Variants in ADAMTSL1 observed in about 807,000 individuals in gnomAD.
The protein encoded by ADAMTSL1 is ADAMTS like 1.
ADAMTSL1 carries 126 observed loss-of-function variants against 201.8 expected under a neutral mutation model. The observed-to-expected ratio is 0.62, with a 90% CI of 0.54 to 0.72. The LOEUF (loss-of-function observed/expected upper bound fraction) is 0.72. Among genes scored for constraint, ADAMTSL1 ranks in the 30% least tolerant of loss-of-function variants. The pLI is 0.00. For synonymous variants in ADAMTSL1, 1,121 were observed against 903.4 expected (o/e 1.24, Z -4.32); for missense variants, 2,679 against 2,277.8 (o/e 1.18, Z -3.59).
intron 26 of ADAMTSL1, among the ~76,000 whole-genome samples, chr9:18,904,994 T>C (rs1347504153): frequency 1.4e-4 from 22 of 152,168 alleles, no homozygotes; most frequent in Admixed American, 1.4e-3. Flanking sequence ...CTTTTGCTTA[T>C]ACTGTTAAGG....
intron 14 of ADAMTSL1, among the ~76,000 whole-genome samples, chr9:18,717,142 A>G (rs200247077): frequency 2.0e-5 from 3 of 150,804 alleles, no homozygotes; most frequent in African/African-American, 4.9e-5. Flanking sequence ...GCCAGATGAC[A>G]AGTTAGTGGG....
chr9:18,283,207 C>A (rs1207535549), intron 2 of ADAMTSL1, among the ~76,000 whole-genome samples: 6 of 152,114 alleles, frequency 3.9e-5, no homozygotes, highest in Admixed American at 6.5e-5. Flanking sequence ...CTCTCTTTCT[C>A]TAGCAATATT....
intron 2 of ADAMTSL1, among the ~76,000 whole-genome samples, chr9:18,446,417 TA>T (rs779864256): frequency 2.0e-5 from 3 of 152,362 alleles, no homozygotes. Flanking sequence ...TTTGTTTCTT[TA>T]AAATGCAAAA....
At chr9:18,299,220 G>C (rs1372567976) in intron 2 of ADAMTSL1, among the ~76,000 whole-genome samples, 1 of 151,914 alleles carries the variant, frequency 6.6e-6, no homozygotes, top group East Asian at 1.9e-4. Context: ...TCAAACCCCA[G>C]ACTTCTAGCA....
intron 9 of ADAMTSL1, among the ~76,000 whole-genome samples, chr9:18,662,934 A>G (rs796977683): frequency 8.9e-4 from 136 of 152,354 alleles, no homozygotes; most frequent in African/African-American, 3.2e-3. Context: ...AAAAGCAATC[A>G]GGAATACCAA....
intron 2 of ADAMTSL1, among the ~76,000 whole-genome samples, chr9:18,385,744 A>T (rs1837765670): frequency 6.6e-6 from 1 of 152,182 alleles, no homozygotes; most frequent in East Asian, 1.9e-4. Flanking sequence ...TAAATCCTTG[A>T]TACATGATGA....
intron 1 of ADAMTSL1, among the ~76,000 whole-genome samples, chr9:18,157,014 C>A (rs575583583): frequency 6.6e-6 from 1 of 152,104 alleles, no homozygotes; most frequent in African/African-American, 2.4e-5. Flanking sequence ...AGGAAGATGT[C>A]TCAAAACCCA....
intron 20 of ADAMTSL1, among the ~76,000 whole-genome samples, chr9:18,812,251 A>C (rs1417435219): frequency 6.7e-6 from 1 of 148,640 alleles, no homozygotes; most frequent in Non-Finnish European, 1.5e-5. Flanking sequence ...GGAACAGAAT[A>C]GAGAACTCAG....
intron 2 of ADAMTSL1, among the ~76,000 whole-genome samples, chr9:18,223,936 C>G (rs6475203): frequency 0.32 from 48,896 of 151,898 alleles, 7,978 homozygotes; most frequent in Admixed American, 0.41. Flanking sequence ...GGGATCATTG[C>G]TAATCTAGGA....
intron 1 of ADAMTSL1, among the ~76,000 whole-genome samples, chr9:18,005,555 A>T (rs1229678794): frequency 1.3e-5 from 2 of 152,024 alleles, no homozygotes; most frequent in African/African-American, 4.8e-5. Flanking sequence ...CCTCCATACT[A>T]CTTTATCTCT....
At chr9:18,813,864 G>A (rs1315442793) in intron 20 of ADAMTSL1, among the ~76,000 whole-genome samples, 1 of 152,144 alleles carries the variant, frequency 6.6e-6, no homozygotes, top group East Asian at 1.9e-4. Context: ...GAAAAGTGGT[G>A]AACATGGATA....
chr9:18,484,180 T>G (rs1317965669), intron 1 of ADAMTSL1, among the ~76,000 whole-genome samples: 1 of 152,168 alleles, frequency 6.6e-6, no homozygotes, highest in African/African-American at 2.4e-5. Context: ...AAAACAGACA[T>G]GGTCCTAAAG....
At chr9:18,094,673 G>C (rs999728689) in intron 1 of ADAMTSL1, among the ~76,000 whole-genome samples, 14 of 151,298 alleles carry the variant, frequency 9.3e-5, no homozygotes, top group Non-Finnish European at 2.9e-5. Flanking sequence ...TGATTCTCCT[G>C]CCTCAGCCTC....
chr9:18,581,657 A>C (rs1302453863), intron 4 of ADAMTSL1, among the ~76,000 whole-genome samples: 2 of 151,994 alleles, frequency 1.3e-5, no homozygotes, highest in African/African-American at 4.8e-5. Context: ...AAAATAAGTT[A>C]TCTGCTTCCA....
Position 17,925,882 on chromosome 9 carries a change from G to T in ADAMTSL1, c.87+18960G>T, listed in dbSNP as rs541776776. ...AAAAAAAAAAAGAAAACCATCCAAA[G>T]CATCCAGCAACCTGACACTTGACGA... On this transcript the variant is annotated intron_variant, in intron 1 of 29. Coordinates refer to the ADAMTSL1 transcript ENST00000680146. 4.9e-4 allele frequency among the ~76,000 whole-genome samples: 74 copies of T among 150,790 alleles called. 2 individuals are homozygous for T. In the South Asian group the frequency reaches 0.015, roughly 31 times the overall value.
intron 2 of ADAMTSL1, among the ~76,000 whole-genome samples, chr9:18,209,449 T>G (rs1032063184): frequency 6.6e-6 from 1 of 152,172 alleles, no homozygotes; most frequent in African/African-American, 2.4e-5. Flanking sequence ...GGAGACCTAT[T>G]ATAAATATTT....
intron 23 of ADAMTSL1, among the ~76,000 whole-genome samples, chr9:18,834,705 T>C (rs748845850): frequency 1.3e-5 from 2 of 152,286 alleles, no homozygotes; most frequent in South Asian, 2.1e-4. Flanking sequence ...GACTGCACTT[T>C]ATAGAATGGT....
chr9:18,567,523 C>A (rs80209532), intron 3 of ADAMTSL1, among the ~76,000 whole-genome samples: 109 of 152,146 alleles, frequency 7.2e-4, no homozygotes, highest in African/African-American at 2.5e-3. Context: ...GGGAATGCTG[C>A]AGGGAGAACA....
At chr9:18,107,916 A>C (rs10963456) in intron 1 of ADAMTSL1, among the ~76,000 whole-genome samples, 32,586 of 152,072 alleles carry the variant, frequency 0.21, 5,977 homozygotes, top group African/African-American at 0.48. Flanking sequence ...GCCCTCCAGC[A>C]CAGTTTCCTG....
Sources: gnomAD v4.1 joint callset for allele counts (sites outside exome capture counted in the v4.1 genomes callset) on GRCh38, gnomAD v4.1.1 for gene constraint, MANE v1.5 for transcripts, NCBI Gene and HGNC (gene_info 2026-07-23, HGNC 2026-07-21) for gene names.